Variants in WDFY3 observed in about 807,000 individuals in gnomAD.
WDFY3 encodes WD repeat and FYVE domain containing 3, also known as WD repeat and FYVE domain-containing protein 3.
In WDFY3, 66 loss-of-function variants were observed where a neutral mutation model predicts 409.6. The observed-to-expected ratio is 0.16, with a 90% confidence interval of 0.13 to 0.20. The LOEUF is 0.20. Ranked by LOEUF, WDFY3 falls within the 10% of genes least tolerant of loss-of-function variation. The probability of loss-of-function intolerance (pLI) is 1.00; values close to 1 mark genes in which losing one functional copy is unlikely to be tolerated. For missense variants in WDFY3, 3,031 were observed against 4,298.1 expected (o/e 0.71, Z 8.24); for synonymous variants, 1,521 against 1,537.1 (o/e 0.99, Z 0.25).
intron 7 of WDFY3, among the ~76,000 whole-genome samples, chr4:84,836,498 G>A (rs1045231594): frequency 6.6e-6 from 1 of 152,052 alleles, no homozygotes; most frequent in African/African-American, 2.4e-5. Flanking sequence ...CAGAGGAGGA[G>A]GCAGCCACCA....
chr4:84,710,730 T>A (rs762672352), intron 51 of WDFY3, among the ~76,000 whole-genome samples: 1 of 152,216 alleles, frequency 6.6e-6, no homozygotes, highest in Non-Finnish European at 1.5e-5. Context: ...TTTAAAGTTC[T>A]TTAAGAACTG....
chr4:84,698,275 A>AATAT lies in WDFY3; in HGVS notation c.8597-1456_8597-1453dup, dbSNP rs1208765499. Among the ~76,000 whole-genome samples the AATAT allele has an allele frequency of 2.9e-3, 433 of 148,114 alleles. 3 individuals are homozygous for AATAT. Among genetic ancestry groups the AATAT allele is most frequent in the African/African-American group, 0.01 (421 of 40,302 alleles). On this transcript the variant is annotated intron_variant, in intron 56 of 67. Transcript: ENST00000295888. Reference sequence around the variant, plus strand: ...GGAAAGCCTTTGTCTAATTCTATATAATATATATATATATATTTTTTTTTT... The same window carrying AATAT: ...GGAAAGCCTTTGTCTAATTCTATATAATATATATATATATATATATTTTTTTTTT...
In WDFY3 at chr4:84,740,353, A is replaced by G; in HGVS notation, c.6298T>C (p.Leu2100=). Residue 2100 remains leucine, a synonymous_variant, in exon 39 of 68, where the codon TTG becomes CTG. Coordinates refer to ENST00000295888, the MANE Select transcript of WDFY3 (RefSeq NM_014991.6). The stretch of plus-strand genomic sequence containing the variant: ...TTGTGTGCCCGTGAGAACTGGTACA[A>G]GATGGTCCTATTGAGGCAATGATAC... ...AVYHCLNRTI[L]YQFSRAHKTV... The G allele has an allele frequency of 1.2e-6, 2 of 1,614,136 alleles. No individual in the cohort carries two copies. Among genetic ancestry groups the G allele is most frequent in the Non-Finnish European group, 1.7e-6 (2 of 1,180,020 alleles).
intron 44 of WDFY3, among the ~76,000 whole-genome samples, chr4:84,730,750 A>C (rs560894913): frequency 3.9e-5 from 6 of 152,222 alleles, no homozygotes; most frequent in Admixed American, 1.3e-4. Flanking sequence ...GCCACACATA[A>C]AATACACTAA....
intron 47 of WDFY3, among the ~76,000 whole-genome samples, chr4:84,719,920 G>T (rs1057317196): frequency 6.6e-6 from 1 of 152,172 alleles, no homozygotes; most frequent in Non-Finnish European, 1.5e-5. Context: ...GAACGGAACT[G>T]TTTTGATTAT....
chr4:84,781,545 C>T (rs927005379), intron 25 of WDFY3, among the ~76,000 whole-genome samples: 7 of 151,924 alleles, frequency 4.6e-5, no homozygotes, highest in African/African-American at 1.7e-4. Context: ...ACCACCATGC[C>T]CAGCCCACAA....
At chr4:84,954,625 C>T (rs1455889277) in intron 1 of WDFY3, among the ~76,000 whole-genome samples, 1 of 152,136 alleles carries the variant, frequency 6.6e-6, no homozygotes, top group Non-Finnish European at 1.5e-5. Flanking sequence ...TAACAGTGAA[C>T]ATTTATTTTC....
At chr4:84,762,639 C>T (rs570943045) in intron 32 of WDFY3, among the ~76,000 whole-genome samples, 1 of 152,066 alleles carries the variant, frequency 6.6e-6, no homozygotes, top group South Asian at 2.1e-4. Context: ...CACAATGTGG[C>T]ATAAGTGGAG....
In WDFY3 at chr4:84,837,051, T is replaced by C; in HGVS notation, c.454A>G (p.Thr152Ala). Residue 152 changes from threonine (T) to alanine (A), a missense_variant, in exon 7 of 68, where the codon ACC becomes GCC. Transcript: ENST00000295888. ...AACAGATATAAACATTTAACCAGGG[T>C]GGAAGGCACTGACATTGTTGTCATG... ...DCMTTMSVPSTLVKCLYLFFD... is the reference protein window; with the variant it reads ...DCMTTMSVPSALVKCLYLFFD... 6.3e-7 allele frequency: 1 copy of C among 1,584,080 alleles called. No individual in the cohort carries two copies.
rs952794190 is a variant in WDFY3, at chr4:84,789,673, C to A, written c.3669+53G>T. ...CACACACACACACACACACACACCC[C>A]CCAAACTACTACCTTATAAAACAGG... On this transcript the variant is annotated intron_variant, in intron 22 of 67. Coordinates refer to ENST00000295888, the MANE Select transcript of WDFY3 (RefSeq NM_014991.6). 1.3e-4 allele frequency: 178 copies of A among 1,420,592 alleles called. 5 individuals carry two copies. The highest frequency in any genetic ancestry group is 3.1e-4 in the Admixed American group (17 of 55,556). 88.0% of individuals were successfully genotyped at this position (1,420,592 alleles called of 1,614,324 possible). A position where few individuals can be genotyped will look rare whatever the true frequency, so the allele number is the denominator to read the frequency against.
At chr4:84,958,374 G>T (rs892007695) in intron 1 of WDFY3, among the ~76,000 whole-genome samples, 1 of 152,174 alleles carries the variant, frequency 6.6e-6, no homozygotes, top group South Asian at 2.1e-4. Flanking sequence ...TGTTTAAGCA[G>T]TTCTATAATT....
chr4:84,799,203 C>T (rs983584673), intron 17 of WDFY3, among the ~76,000 whole-genome samples: 1 of 152,038 alleles, frequency 6.6e-6, no homozygotes, highest in Non-Finnish European at 1.5e-5. Flanking sequence ...GTCACTCAGA[C>T]TGGAGTGCAG....
chr4:84,845,250 A>T (rs188282195), intron 5 of WDFY3, among the ~76,000 whole-genome samples: 1 of 152,352 alleles, frequency 6.6e-6, no homozygotes, highest in East Asian at 1.9e-4. Flanking sequence ...CAAAGGAATA[A>T]TAAAAGGTTC....
chr4:84,708,821 A>G (rs1732426716), intron 53 of WDFY3, 88 bp downstream of exon 53: 2 of 1,433,490 alleles, frequency 1.4e-6, no homozygotes, highest in African/African-American at 2.8e-5. Context: ...GATTTTAGGG[A>G]TGAGCCACTG....
chr4:84,678,868 C>T, intron 65 of WDFY3, 51 bp downstream of exon 65: 2 of 1,545,314 alleles, frequency 1.3e-6, no homozygotes, highest in Non-Finnish European at 1.8e-6. Flanking sequence ...AATCCACCAA[C>T]CCTCACACCA....
intron 14 of WDFY3, 58 bp from the exon 15 acceptor site, chr4:84,808,475 G>C: frequency 6.8e-7 from 1 of 1,465,390 alleles, no homozygotes. Context: ...AGAACACCAG[G>C]TTGGCAGTTG....
At chr4:84,714,905 A>C (rs1402641321) in intron 50 of WDFY3, among the ~76,000 whole-genome samples, 4 of 151,382 alleles carry the variant, frequency 2.6e-5, no homozygotes, top group Admixed American at 6.6e-5. Context: ...AGCTGAGATC[A>C]TGCCACTGTA....
intron 4 of WDFY3, among the ~76,000 whole-genome samples, chr4:84,855,195 T>C (rs1209894539): frequency 6.6e-6 from 1 of 152,190 alleles, no homozygotes; most frequent in Non-Finnish European, 1.5e-5. Context: ...GTAGCCTCAT[T>C]TTACAGTTAA....
At chr4:84,871,229 AG>A (rs1445206936) in intron 3 of WDFY3, among the ~76,000 whole-genome samples, 2 of 152,150 alleles carry the variant, frequency 1.3e-5, no homozygotes, top group Non-Finnish European at 1.5e-5. Context: ...ATGATGAGGT[AG>A]GGGGATAACA....
Sources: gnomAD v4.1 joint callset for allele counts (sites outside exome capture counted in the v4.1 genomes callset) on GRCh38, gnomAD v4.1.1 for gene constraint, MANE v1.5 for transcripts, NCBI Gene and HGNC (gene_info 2026-07-23, HGNC 2026-07-21) for gene names.